DCUN1D4: variants seen among roughly 807,000 people sequenced by gnomAD.
DCUN1D4 encodes the protein defective in cullin neddylation 1 domain containing 4.
Under a neutral mutation model 47.9 loss-of-function variants are expected in DCUN1D4, and 22 were observed. The observed-to-expected ratio is 0.46, with a 90% CI of 0.33 to 0.66. DCUN1D4 has a LOEUF of 0.66. Ranked by LOEUF, DCUN1D4 falls within the 30% of genes least tolerant of loss-of-function variation. DCUN1D4 has a pLI of 0.02. For synonymous variants in DCUN1D4, 121 were observed against 112.2 expected, an observed-to-expected ratio of 1.08 and a Z score of -0.50; for missense variants, 301 against 340.8, an observed-to-expected ratio of 0.88 and a Z score of 0.92.
At position 51,913,294 on chromosome 4, in the gene DCUN1D4, C is replaced by A; in HGVS notation, c.725C>A (p.Ser242Ter). 1 of 1,601,346 alleles carries A rather than the reference C, an allele frequency of 6.2e-7. No individual in the cohort carries two copies. Among genetic ancestry groups the A allele is most frequent in the Non-Finnish European group, 8.5e-7 (1 of 1,171,502 alleles). Residue 242 changes from serine to a stop codon, truncating the protein, a stop_gained, in exon 10 of 11, where the codon TCA (serine) becomes TAA (stop). Transcript: ENST00000334635. LOFTEE classifies it high-confidence loss of function. ...TATTACTTTTCCCTCCATCAGCAATCAAAATACAAAGTTATTAATAAAGAC... is the reference window on the plus strand; with the variant it reads ...TATTACTTTTCCCTCCATCAGCAATAAAAATACAAAGTTATTAATAAAGAC... ...FPVFHQFLEQ[S>*]KYKVINKDQW...
chr4:51,834,294 C>T, the DCUN1D4 span, among the ~76,000 whole-genome samples: 1 of 151,130 alleles, frequency 6.6e-6, no homozygotes, highest in Non-Finnish European at 1.5e-5. Flanking sequence ...ACAAACATGT[C>T]TAGGGTGTCT....
At chr4:51,851,816 C>G (rs1162266200) in intron 1 of DCUN1D4, among the ~76,000 whole-genome samples, 2 of 152,192 alleles carry the variant, frequency 1.3e-5, no homozygotes, top group African/African-American at 4.8e-5. Context: ...ATCTCTGTTT[C>G]ACAGATGAGG....
At chr4:51,844,784 TGTA>T in intron 1 of DCUN1D4, 6 of 966,258 alleles carry the variant, frequency 6.2e-6, no homozygotes, top group Non-Finnish European at 7.4e-6. Context: ...TTCTGGGACT[TGTA>T]GTCGCGGCCG....
At chr4:51,859,690 G>A (rs2109873592) in intron 1 of DCUN1D4, among the ~76,000 whole-genome samples, 1 of 131,844 alleles carries the variant, frequency 7.6e-6, no homozygotes, top group South Asian at 2.5e-4. Context: ...TGCCCAATCA[G>A]CAGTTGTTGG....
intron 1 of DCUN1D4, among the ~76,000 whole-genome samples, chr4:51,862,835 C>T (rs1725282632): frequency 1.3e-5 from 2 of 151,718 alleles, no homozygotes; most frequent in African/African-American, 4.8e-5. Context: ...ATAGAAAGAC[C>T]CTGTCTCTAC....
At chr4:51,855,044 G>A (rs569768314) in intron 1 of DCUN1D4, among the ~76,000 whole-genome samples, 1 of 152,272 alleles carries the variant, frequency 6.6e-6, no homozygotes, top group African/African-American at 2.4e-5. Context: ...TTGGGATAGA[G>A]TAGTGAATAA....
intron 1 of DCUN1D4, among the ~76,000 whole-genome samples, chr4:51,863,176 A>G (rs1003352819): frequency 1.3e-5 from 2 of 152,196 alleles, no homozygotes; most frequent in Non-Finnish European, 2.9e-5. Flanking sequence ...TGCTGGCAGG[A>G]TTTTATAACT....
intron 1 of DCUN1D4, among the ~76,000 whole-genome samples, chr4:51,856,602 A>G (rs572079173): frequency 4.6e-5 from 7 of 152,232 alleles, no homozygotes; most frequent in African/African-American, 1.4e-4. Context: ...TTAGAATGGA[A>G]GAAGTAGCCT....
chr4:51,856,871 TC>T, intron 1 of DCUN1D4, among the ~76,000 whole-genome samples: 2 of 152,336 alleles, frequency 1.3e-5, no homozygotes, highest in East Asian at 3.9e-4. Context: ...TGCAGAAGAT[TC>T]CTCTTTGGAA....
rs2110141793 is a variant in DCUN1D4 at position 51,911,163 on chromosome 4, C to G, written c.709C>G (p.Gln237Glu). 1 of 1,610,928 alleles carries G rather than the reference C, an allele frequency of 6.2e-7. No individual in the cohort carries two copies. The highest frequency in any genetic ancestry group is 1.3e-5 in the African/African-American group (1 of 74,738). The stretch of plus-strand genomic sequence containing the variant: ...CTGGCCCCTTTTTCCAGTTTTTCAC[C>G]AATTCTTAGAGGTACCAAATTGTTG... ...KIWPLFPVFH[Q>E]FLEQSKYKVI... is the part of the protein sequence containing the mutation. The change falls in exon 9 of 11, where the codon CAA (glutamine) becomes GAA (glutamate). Residue 237 changes from glutamine (Q) to glutamate (E), a missense_variant. Coordinates refer to ENST00000334635, the MANE Select transcript of DCUN1D4 (RefSeq NM_001040402.3).
Position 51,916,353 on chromosome 4 carries a change from T to C in DCUN1D4, c.*2769T>C, listed in dbSNP as rs1027533758. 6.6e-6 allele frequency: 1 copy of C among 152,584 alleles called. No individual in the cohort carries two copies. Among genetic ancestry groups the C allele is most frequent in the Admixed American group, 6.6e-5 (1 of 15,260 alleles). 9.5% of individuals were successfully genotyped at this position (152,584 alleles called of 1,614,324 possible). ...ATAAATCTGACTAGGCAAACCTAGA[T>C]TCTGGTTTCACAATGGATTTATTTT... On this transcript the variant is annotated 3_prime_UTR_variant, in exon 11 of 11. Coordinates refer to ENST00000334635, the MANE Select transcript of DCUN1D4 (RefSeq NM_001040402.3).
intron 5 of DCUN1D4, among the ~76,000 whole-genome samples, chr4:51,881,666 AAAAAAAAAAAACAAG>A (rs1167318528): frequency 2.2e-4 from 34 of 151,722 alleles, no homozygotes; most frequent in African/African-American, 7.5e-4. Flanking sequence ...AAGTTAAAAA[AAAAAAAAAAAACAAG>A]AAAAAAAAAA....
upstream of DCUN1D4, among the ~76,000 whole-genome samples, chr4:51,842,606 T>C (rs1721775257): frequency 6.6e-6 from 1 of 152,158 alleles, no homozygotes; most frequent in Admixed American, 6.5e-5. Context: ...CCAGTCCGAG[T>C]TCGGCGCGAA....
chr4:51,836,041 T>C, the DCUN1D4 span, among the ~76,000 whole-genome samples: 1 of 152,112 alleles, frequency 6.6e-6, no homozygotes, highest in African/African-American at 2.4e-5. Flanking sequence ...ATCATTTGAG[T>C]GCAGGCTCAG....
At chr4:51,907,274 T>C (rs1056103315) in intron 8 of DCUN1D4, among the ~76,000 whole-genome samples, 1 of 152,250 alleles carries the variant, frequency 6.6e-6, no homozygotes, top group African/African-American at 2.4e-5. Context: ...TTGCAAACAT[T>C]GTTGTCTCTA....
intron 1 of DCUN1D4, among the ~76,000 whole-genome samples, chr4:51,862,175 G>A (rs899112208): frequency 6.6e-6 from 1 of 152,190 alleles, no homozygotes; most frequent in Non-Finnish European, 1.5e-5. Flanking sequence ...ATTCTATATG[G>A]CTATGACTGT....
intron 8 of DCUN1D4, among the ~76,000 whole-genome samples, chr4:51,909,803 CT>C: frequency 6.6e-6 from 1 of 152,332 alleles, no homozygotes; most frequent in Admixed American, 6.5e-5. Flanking sequence ...CACTTCACAA[CT>C]GAGACCAAAA....
chr4:51,908,828 C>A, intron 8 of DCUN1D4: 1 of 451,178 alleles, frequency 2.2e-6, no homozygotes, highest in Non-Finnish European at 4.5e-6. Flanking sequence ...TGCACATAGC[C>A]ACAAGTCCAC....
intron 5 of DCUN1D4, among the ~76,000 whole-genome samples, chr4:51,880,540 A>C (rs1180824302): frequency 6.6e-6 from 1 of 152,174 alleles, no homozygotes; most frequent in Non-Finnish European, 1.5e-5. Context: ...GCCTGAGCCC[A>C]GCTCTTCCAA....
Sources: gnomAD v4.1 joint callset for allele counts (sites outside exome capture counted in the v4.1 genomes callset) on GRCh38, gnomAD v4.1.1 for gene constraint, MANE v1.5 for transcripts, NCBI Gene and HGNC (gene_info 2026-07-23, HGNC 2026-07-21) for gene names.